Variants in SNX29 observed in about 807,000 individuals in gnomAD.
SNX29 encodes the protein sorting nexin-29.
SNX29 carries 78 observed loss-of-function variants against 102.1 expected under a neutral mutation model. The observed-to-expected ratio is 0.76, with a 90% CI of 0.64 to 0.92. The LOEUF is 0.92. Among genes scored for constraint, SNX29 ranks in the 40% least tolerant of loss-of-function variants. SNX29 has a pLI of 0.00. For missense variants in SNX29, 1,280 were observed against 1,061.7 expected, an observed-to-expected ratio of 1.21 and a Z score of -2.86; for synonymous variants, 580 against 414.5, an observed-to-expected ratio of 1.40 and a Z score of -4.85.
intron 3 of SNX29, among the ~76,000 whole-genome samples, chr16:12,024,159 A>G (rs1478070816): frequency 1.4e-5 from 2 of 146,446 alleles, no homozygotes; most frequent in African/African-American, 2.5e-5. Flanking sequence ...TTCTTTTGAG[A>G]CTGAGTTTCG....
intron 13 of SNX29, among the ~76,000 whole-genome samples, chr16:12,132,246 C>T (rs535266835): frequency 8.5e-5 from 13 of 152,104 alleles, no homozygotes; most frequent in Non-Finnish European, 1.0e-4. Context: ...TTACAGGTGC[C>T]CGCCACTATG....
Position 12,539,445 on chromosome 16 carries a change from C to T in SNX29, c.2318+14604C>T, listed in dbSNP as rs987987381. On this transcript the variant is annotated intron_variant, in intron 20 of 20. Coordinates refer to ENST00000566228, the MANE Select transcript of SNX29 (RefSeq NM_032167.5). ...AGTCAGCAGTGTTTTTATTACTGAG[C>T]AGAGTTTGGTTAAATGGATATACCA... Among the ~76,000 whole-genome samples, 15 of 152,162 alleles carry T rather than the reference C, an allele frequency of 9.9e-5. No homozygotes were observed. In the East Asian group the frequency reaches 1.3e-3, roughly 14 times the overall value.
At chr16:12,391,173 T>C (rs778041806) in intron 16 of SNX29, among the ~76,000 whole-genome samples, 67 of 152,256 alleles carry the variant, frequency 4.4e-4, no homozygotes, top group Non-Finnish European at 8.4e-4. Flanking sequence ...CTTAGACTCC[T>C]GGGCCCAAGC....
chr16:12,040,702 A>G (rs1420223909), intron 4 of SNX29, among the ~76,000 whole-genome samples: 1 of 152,276 alleles, frequency 6.6e-6, no homozygotes, highest in Non-Finnish European at 1.5e-5. Context: ...AAAGCCATCA[A>G]AAATCATCTT....
chr16:12,215,668 A>G (rs986243143), intron 14 of SNX29, among the ~76,000 whole-genome samples: 1 of 152,196 alleles, frequency 6.6e-6, no homozygotes, highest in Non-Finnish European at 1.5e-5. Context: ...AATTAGAGTC[A>G]CTGGGAGGCA....
At chr16:12,086,548 C>G (rs887204519) in intron 11 of SNX29, among the ~76,000 whole-genome samples, 2 of 152,010 alleles carry the variant, frequency 1.3e-5, no homozygotes, top group Non-Finnish European at 2.9e-5. Flanking sequence ...GTAGCTGGGA[C>G]TGAAGGTGCA....
intron 11 of SNX29, among the ~76,000 whole-genome samples, chr16:12,112,522 C>G (rs549368100): frequency 6.6e-6 from 1 of 152,178 alleles, no homozygotes; most frequent in Non-Finnish European, 1.5e-5. Context: ...ACGCAGAAGG[C>G]ATGGGTGGAA....
At chr16:12,353,391 G>T (rs1362727857) in intron 15 of SNX29, among the ~76,000 whole-genome samples, 1 of 151,894 alleles carries the variant, frequency 6.6e-6, no homozygotes, top group African/African-American at 2.4e-5. Flanking sequence ...AACTTATCCT[G>T]CCCCAGATGT....
At chr16:12,217,431 C>T (rs964893481) in intron 14 of SNX29, among the ~76,000 whole-genome samples, 2 of 152,158 alleles carry the variant, frequency 1.3e-5, no homozygotes, top group Admixed American at 1.3e-4. Flanking sequence ...GGGGTCAGTT[C>T]AGTGGAGACA....
At chr16:12,073,660 A>T (rs556928590) in intron 10 of SNX29, among the ~76,000 whole-genome samples, 1 of 152,182 alleles carries the variant, frequency 6.6e-6, no homozygotes, top group East Asian at 1.9e-4. Flanking sequence ...TTGGGGTGGA[A>T]AGTTCTGTAG....
intron 13 of SNX29, among the ~76,000 whole-genome samples, chr16:12,174,584 A>T (rs9788826): frequency 6.6e-6 from 1 of 152,144 alleles, no homozygotes; most frequent in Non-Finnish European, 1.5e-5. Context: ...TGGAAGAGGA[A>T]TTAACAATGA....
intron 14 of SNX29, among the ~76,000 whole-genome samples, chr16:12,268,785 G>A (rs2142582844): frequency 6.6e-6 from 1 of 152,272 alleles, no homozygotes; most frequent in African/African-American, 2.4e-5. Context: ...CACATTGAAA[G>A]CAAAACAGTA....
intron 19 of SNX29, among the ~76,000 whole-genome samples, chr16:12,485,507 G>A (rs1170669828): frequency 6.6e-6 from 1 of 152,192 alleles, no homozygotes; most frequent in Non-Finnish European, 1.5e-5. Context: ...ACATACACCC[G>A]TGTGTGGTAG....
intron 19 of SNX29, among the ~76,000 whole-genome samples, chr16:12,496,217 C>G (rs2088814196): frequency 6.6e-6 from 1 of 152,212 alleles, no homozygotes; most frequent in Non-Finnish European, 1.5e-5. Flanking sequence ...AAAATTGTGC[C>G]TTGCACAAAG....
chr16:12,142,196 C>G (rs921707134), intron 13 of SNX29, among the ~76,000 whole-genome samples: 3 of 152,184 alleles, frequency 2.0e-5, no homozygotes, highest in Non-Finnish European at 2.9e-5. Flanking sequence ...CACACTGAAC[C>G]CACTGTTGAG....
chr16:12,305,603 T>G (rs2080313647), intron 15 of SNX29, among the ~76,000 whole-genome samples: 1 of 152,262 alleles, frequency 6.6e-6, no homozygotes, highest in Non-Finnish European at 1.5e-5. Flanking sequence ...TTTATTTTTT[T>G]GGCATTAATT....
At chr16:12,258,538 T>C (rs1164622590) in intron 14 of SNX29, among the ~76,000 whole-genome samples, 60 of 152,138 alleles carry the variant, frequency 3.9e-4, no homozygotes, top group Non-Finnish European at 4.4e-5. Flanking sequence ...TCCTTACTTA[T>C]CTGCTCATTT....
chr16:12,137,331 C>T (rs1353466776), intron 13 of SNX29, among the ~76,000 whole-genome samples: 1 of 152,210 alleles, frequency 6.6e-6, no homozygotes, highest in Non-Finnish European at 1.5e-5. Context: ...GGGCCCTTTC[C>T]TTGTCCAAGC....
intron 18 of SNX29, among the ~76,000 whole-genome samples, chr16:12,461,543 G>T (rs1275110130): frequency 1.3e-5 from 2 of 152,172 alleles, no homozygotes; most frequent in Non-Finnish European, 1.5e-5. Flanking sequence ...CTCTGGTGCT[G>T]AGGCTGCAGG....
Sources: gnomAD v4.1 joint callset for allele counts (sites outside exome capture counted in the v4.1 genomes callset) on GRCh38, gnomAD v4.1.1 for gene constraint, MANE v1.5 for transcripts, NCBI Gene and HGNC (gene_info 2026-07-23, HGNC 2026-07-21) for gene names.